The following FHIT variants were observed in gnomAD, a reference collection of about 807,000 sequenced individuals.
FHIT encodes bis(5'-adenosyl)-triphosphatase.
A neutral mutation model predicts 17.9 loss-of-function variants in FHIT; 19 were observed. The ratio of observed to expected loss-of-function variants is 1.06; its 90% confidence interval spans 0.74 to 1.56. FHIT has a LOEUF of 1.56. FHIT is among the 40% of genes most tolerant of loss of function. FHIT has a pLI of 0.00. For missense variants in FHIT, 248 were observed against 189.2 expected (o/e 1.31, Z -1.82); for synonymous variants, 81 against 69.7 (o/e 1.16, Z -0.81).
At chr3:60,085,391 T>C (rs1280667969) in intron 5 of FHIT, among the ~76,000 whole-genome samples, 1 of 152,180 alleles carries the variant, frequency 6.6e-6, no homozygotes, top group African/African-American at 2.4e-5. Context: ...ACTTACATTA[T>C]ATCTTCCCTT....
chr3:60,102,737 C>G (rs1046836972), intron 5 of FHIT, among the ~76,000 whole-genome samples: 10 of 152,082 alleles, frequency 6.6e-5, no homozygotes, highest in Non-Finnish European at 1.5e-4. Flanking sequence ...TTCCTAGGCT[C>G]ATAAAGACCA....
chr3:60,459,041 C>T (rs375579464), intron 5 of FHIT, among the ~76,000 whole-genome samples: 26 of 152,188 alleles, frequency 1.7e-4, no homozygotes, highest in African/African-American at 6.0e-4. Flanking sequence ...CTTGTTCTCC[C>T]AAAGTGCTGG....
At chr3:61,184,021 G>A (rs1011417944) in intron 2 of FHIT, among the ~76,000 whole-genome samples, 3 of 151,932 alleles carry the variant, frequency 2.0e-5, no homozygotes, top group South Asian at 2.1e-4. Flanking sequence ...TAATACTGAC[G>A]GAGCTTCGCT....
chr3:60,300,849 T>A (rs1210105432), intron 5 of FHIT, among the ~76,000 whole-genome samples: 3 of 152,102 alleles, frequency 2.0e-5, no homozygotes, highest in Non-Finnish European at 4.4e-5. Flanking sequence ...AGTCCTGATG[T>A]TCTCCTTCCA....
chr3:60,753,107 A>T (rs1553717348), intron 4 of FHIT, among the ~76,000 whole-genome samples: 1 of 152,204 alleles, frequency 6.6e-6, no homozygotes. Flanking sequence ...CAGTTCTTGA[A>T]TATTGCATGA....
intron 8 of FHIT, among the ~76,000 whole-genome samples, chr3:59,795,184 G>A (rs1032258126): frequency 6.6e-6 from 1 of 152,058 alleles, no homozygotes; most frequent in Admixed American, 6.6e-5. Context: ...TCAGGAGTTC[G>A]AGACCAGCCT....
chr3:60,431,162 G>C (rs1392722233), intron 5 of FHIT, among the ~76,000 whole-genome samples: 1 of 151,226 alleles, frequency 6.6e-6, no homozygotes, highest in Non-Finnish European at 1.5e-5. Flanking sequence ...AGTGAGCTGA[G>C]ATCGCACCAC....
chr3:60,680,123 A>T (rs922857085), intron 4 of FHIT, among the ~76,000 whole-genome samples: 4 of 152,300 alleles, frequency 2.6e-5, no homozygotes, highest in Non-Finnish European at 4.4e-5. Context: ...ATTCTGGATG[A>T]TGCCACACTA....
At chr3:59,996,688 G>T (rs1332778320) in intron 7 of FHIT, among the ~76,000 whole-genome samples, 1 of 152,058 alleles carries the variant, frequency 6.6e-6, no homozygotes, top group Non-Finnish European at 1.5e-5. Context: ...ATGAAAGCCT[G>T]GTGGGTATTA....
chr3:60,470,058 T>TTCTC (rs796525437), intron 5 of FHIT, among the ~76,000 whole-genome samples: 158 of 143,038 alleles, frequency 1.1e-3, no homozygotes, highest in African/African-American at 3.2e-3. Flanking sequence ...CTCTCTTTCT[T>TTCTC]TCTCTCTCTC....
intron 3 of FHIT, among the ~76,000 whole-genome samples, chr3:60,911,396 C>CACAT (rs1460726305): frequency 6.6e-6 from 1 of 151,462 alleles, no homozygotes; most frequent in Non-Finnish European, 1.5e-5. Flanking sequence ...CACACACACA[C>CACAT]ACCCTTCCAC....
chr3:61,209,355 T>A (rs1285462532), intron 1 of FHIT, among the ~76,000 whole-genome samples: 2 of 152,198 alleles, frequency 1.3e-5, no homozygotes, highest in Non-Finnish European at 2.9e-5. Flanking sequence ...TAAATCTGAA[T>A]GTTGGCCTGC....
Position 60,485,589 on chromosome 3 carries a change from G to C in FHIT, c.103+51271C>G, listed in dbSNP as rs2033802807. 2.0e-5 allele frequency among the ~76,000 whole-genome samples: 3 copies of C among 152,152 alleles called. No individual in the cohort carries two copies. In the South Asian group the frequency reaches 6.2e-4, roughly 32 times the overall value. The stretch of plus-strand genomic sequence containing the variant: ...ACACCACATGTTCTCACTCATAAGT[G>C]GGAGCTGAACAATGAGAATACATGG... On this transcript the variant is annotated intron_variant, in intron 5 of 9. Transcript: ENST00000492590.
intron 3 of FHIT, among the ~76,000 whole-genome samples, chr3:61,033,686 A>T (rs1165420718): frequency 6.6e-6 from 1 of 151,666 alleles, no homozygotes; most frequent in Non-Finnish European, 1.5e-5. Context: ...GAATAGAAAA[A>T]CTCTGTTCTT....
chr3:61,043,606 G>A (rs1055672911), intron 2 of FHIT, among the ~76,000 whole-genome samples: 8 of 152,320 alleles, frequency 5.3e-5, no homozygotes, highest in African/African-American at 1.4e-4. Flanking sequence ...AAACGTCCCT[G>A]TCTGACAGCT....
chr3:60,707,554 T>C (rs1375834581), intron 4 of FHIT, among the ~76,000 whole-genome samples: 2 of 152,170 alleles, frequency 1.3e-5, no homozygotes, highest in Non-Finnish European at 2.9e-5. Flanking sequence ...AGATGTCAGA[T>C]GTCAGTAATC....
chr3:59,954,319 G>T (rs1032925483), intron 7 of FHIT, among the ~76,000 whole-genome samples: 1 of 146,810 alleles, frequency 6.8e-6, no homozygotes, highest in Non-Finnish European at 1.5e-5. Flanking sequence ...CAGGCTTTCA[G>T]AACTCAACAA....
At position 60,663,135 on chromosome 3, in the gene FHIT, G is replaced by T. The variant is rs566254582; in HGVS notation, c.-17-126156C>A. Among the ~76,000 whole-genome samples the T allele has an allele frequency of 6.3e-4, 16 of 25,528 alleles. No individual in the cohort carries two copies. The South Asian group carries it at 0.015, about 24-fold the overall frequency. The allele number at this position is 25,528 out of a possible 152,430, so 16.7% of individuals were successfully genotyped here. A position where few individuals can be genotyped will look rare whatever the true frequency, so the allele number is the denominator to read the frequency against. On this transcript the variant is annotated intron_variant, in intron 4 of 9. Transcript: ENST00000492590. ...TTGGTTTGATTACTATAGCTATATA[G>T]CCCTAATATTGGGTGGAGATATATA...
chr3:60,418,798 A>C (rs960402042), intron 5 of FHIT, among the ~76,000 whole-genome samples: 9 of 152,016 alleles, frequency 5.9e-5, no homozygotes, highest in African/African-American at 2.2e-4. Flanking sequence ...ATATGGAAAG[A>C]CATCTATGAC....
Sources: gnomAD v4.1 joint callset for allele counts (sites outside exome capture counted in the v4.1 genomes callset) on GRCh38, gnomAD v4.1.1 for gene constraint, MANE v1.5 for transcripts, NCBI Gene and HGNC (gene_info 2026-07-23, HGNC 2026-07-21) for gene names.